Variants in TEX9 observed in about 807,000 individuals in gnomAD.
The protein encoded by TEX9 is testis expressed 9.
TEX9 carries 74 observed loss-of-function variants against 59.6 expected under a neutral mutation model. That is an observed-to-expected ratio of 1.24 (90% confidence interval 1.03 to 1.51). The LOEUF is 1.51. Ranked by LOEUF, TEX9 falls within the 40% of genes most tolerant of loss-of-function variation. TEX9 has a pLI of 0.00. For synonymous variants in TEX9, 186 were observed against 152.2 expected (o/e 1.22, Z -1.64); for missense variants, 522 against 447.8 (o/e 1.17, Z -1.49).
intron 1 of TEX9, among the ~76,000 whole-genome samples, chr15:56,272,234 C>T (rs1315832783): frequency 1.3e-5 from 2 of 152,122 alleles, no homozygotes; most frequent in African/African-American, 2.4e-5. Context: ...ACATTTCCAT[C>T]GCCCCAAGAA....
At chr15:56,448,383 C>T (rs531304069), downstream of TEX9, among the ~76,000 whole-genome samples, 1 of 152,070 alleles carries the variant, frequency 6.6e-6, no homozygotes, top group Non-Finnish European at 1.5e-5. Context: ...GTTTTTTAAC[C>T]CACTCCTCCT....
chr15:56,411,231 C>T (rs1196227204), intron 9 of TEX9, among the ~76,000 whole-genome samples: 1 of 152,144 alleles, frequency 6.6e-6, no homozygotes, highest in Non-Finnish European at 1.5e-5. Context: ...TTCAGTTTAA[C>T]TAACGTGTGT....
At chr15:56,412,347 C>A (rs779703571) in exon 10 of TEX9, 1 of 1,613,212 alleles carries the variant, frequency 6.2e-7, no homozygotes, top group East Asian at 2.2e-5. Flanking sequence ...TGCAAGTAGT[C>A]AAAGTGCCAC....
chr15:56,407,431 A>T (rs1208300307), intron 9 of TEX9, among the ~76,000 whole-genome samples: 1 of 152,138 alleles, frequency 6.6e-6, no homozygotes, highest in Non-Finnish European at 1.5e-5. Flanking sequence ...CAGCTTTGCT[A>T]ATTTATGTTT....
At chr15:56,331,974 G>C (rs566926937) in intron 1 of TEX9, among the ~76,000 whole-genome samples, 28 of 129,458 alleles carry the variant, frequency 2.2e-4, no homozygotes, top group South Asian at 1.2e-3. Flanking sequence ...GAAACAACAG[G>C]TGCTGGAGAG....
chr15:56,326,250 GT>G (rs2046016648), intron 1 of TEX9, among the ~76,000 whole-genome samples: 1 of 150,248 alleles, frequency 6.7e-6, no homozygotes, highest in African/African-American at 2.4e-5. Context: ...TTTTTCTATG[GT>G]TTTTTAAGTG....
chr15:56,405,744 G>T (rs1228640926), intron 9 of TEX9, among the ~76,000 whole-genome samples: 18 of 152,056 alleles, frequency 1.2e-4, no homozygotes, highest in Non-Finnish European at 2.5e-4. Flanking sequence ...ACAAATCTCG[G>T]TGTACAGTTC....
At chr15:56,301,821 A>G (rs1205624635) in intron 1 of TEX9, among the ~76,000 whole-genome samples, 3 of 152,238 alleles carry the variant, frequency 2.0e-5, no homozygotes, top group African/African-American at 7.2e-5. Context: ...AAAGAAAAGG[A>G]CATTAGTGAG....
At chr15:56,338,246 C>T (rs2046296883) in intron 1 of TEX9, among the ~76,000 whole-genome samples, 1 of 152,210 alleles carries the variant, frequency 6.6e-6, no homozygotes, top group Non-Finnish European at 1.5e-5. Flanking sequence ...CTGAGAAAAG[C>T]TAATCTACTT....
At chr15:56,388,441 T>G in intron 4 of TEX9, 31 bp from the exon 5 acceptor site, 1 of 1,551,008 alleles carries the variant, frequency 6.4e-7, no homozygotes, top group Non-Finnish European at 8.9e-7. Flanking sequence ...TCATCTATTA[T>G]TAATGTATAA....
downstream of TEX9, among the ~76,000 whole-genome samples, chr15:56,450,293 T>C (rs896970764): frequency 2.6e-5 from 4 of 151,898 alleles, no homozygotes; most frequent in Non-Finnish European, 5.9e-5. Flanking sequence ...ATCCTAACCA[T>C]TTTTAAATGT....
chr15:56,421,904 G>C (rs2049994988), intron 10 of TEX9: 1 of 151,530 alleles, frequency 6.6e-6, no homozygotes, highest in Admixed American at 6.6e-5. Flanking sequence ...CTTTGCTATT[G>C]TGAGTAGAGC....
At chr15:56,431,295 C>A (rs2050587886) in intron 12 of TEX9, 1 of 1,531,224 alleles carries the variant, frequency 6.5e-7, no homozygotes. Context: ...AAAACCAAGG[C>A]ACTCTAAAAT....
rs185029256 is a variant in TEX9 at position 56,324,533 on chromosome 15, A to T, written c.-106-48908A>T. 1.9e-4 allele frequency among the ~76,000 whole-genome samples: 29 copies of T among 152,338 alleles called. No individual in the cohort carries two copies. In the East Asian group the frequency reaches 5.4e-3, roughly 28 times the overall value. On this transcript the variant is annotated intron_variant, in intron 1 of 5. Coordinates refer to the TEX9 transcript ENST00000560827. ...TGTTAATTAGCATACTGCATTAGAA[A>T]TTATTTTTCATTGGTAAAATATATA... is the stretch of plus-strand genomic sequence containing the variant.
chr15:56,337,915 G>C (rs1392559345), intron 1 of TEX9, among the ~76,000 whole-genome samples: 1 of 152,120 alleles, frequency 6.6e-6, no homozygotes, highest in African/African-American at 2.4e-5. Context: ...CTTTAAAACT[G>C]GATTCTGATC....
intron 1 of TEX9, among the ~76,000 whole-genome samples, chr15:56,287,602 AT>A (rs2044983961): frequency 6.6e-6 from 1 of 152,176 alleles, no homozygotes; most frequent in Non-Finnish European, 1.5e-5. Flanking sequence ...TGTAGTCACC[AT>A]AATGAATAAT....
At chr15:56,291,674 T>C (rs150297669) in intron 1 of TEX9, among the ~76,000 whole-genome samples, 1 of 152,322 alleles carries the variant, frequency 6.6e-6, no homozygotes, top group East Asian at 1.9e-4. Context: ...AAATTTTGTA[T>C]CCTTTAACCA....
At chr15:56,444,483 A>G (rs35775595) in intron 12 of TEX9, 36,023 of 1,609,198 alleles carry the variant, frequency 0.022, 520 homozygotes, top group Non-Finnish European at 0.026. Flanking sequence ...AATTTCATCA[A>G]TCATGAGTTT....
chr15:56,418,392 A>G (rs2049804933), intron 10 of TEX9, among the ~76,000 whole-genome samples: 1 of 151,490 alleles, frequency 6.6e-6, no homozygotes, highest in Non-Finnish European at 1.5e-5. Context: ...AGTTCCTTCA[A>G]CATTCACTTA....
Sources: allele counts gnomAD v4.1 joint callset (sites outside exome capture counted in the v4.1 genomes callset), GRCh38; gene constraint gnomAD v4.1.1; transcripts MANE v1.5; gene names NCBI Gene and HGNC (gene_info 2026-07-23, HGNC 2026-07-21).